Variants in GSTCD observed in about 807,000 individuals in gnomAD.
GSTCD encodes glutathione S-transferase C-terminal domain containing, also known as glutathione S-transferase C-terminal domain-containing protein.
A neutral mutation model predicts 68.3 loss-of-function variants in GSTCD; 44 were observed. The ratio of observed to expected loss-of-function variants is 0.64; its 90% CI spans 0.51 to 0.83. The LOEUF is 0.83. Among genes scored for constraint, GSTCD ranks in the 40% least tolerant of loss-of-function variants. The pLI is 0.00. For missense variants in GSTCD, 739 were observed against 735.9 expected (o/e 1.00, Z -0.05); for synonymous variants, 273 against 255.2 (o/e 1.07, Z -0.67).
chr4:105,784,335 A>G (rs776572539), intron 5 of GSTCD, among the ~76,000 whole-genome samples: 2 of 152,218 alleles, frequency 1.3e-5, no homozygotes, highest in Non-Finnish European at 2.9e-5. Context: ...TGTGGAAGGC[A>G]GAAGAGAGCA....
At chr4:105,804,697 A>G (rs773464185) in intron 5 of GSTCD, among the ~76,000 whole-genome samples, 4 of 152,102 alleles carry the variant, frequency 2.6e-5, no homozygotes, top group Non-Finnish European at 5.9e-5. Flanking sequence ...GGTTTGCTAC[A>G]TAAGTGAACG....
chr4:105,788,269 A>G (rs910526118), intron 5 of GSTCD, among the ~76,000 whole-genome samples: 1 of 152,038 alleles, frequency 6.6e-6, no homozygotes, highest in East Asian at 1.9e-4. Flanking sequence ...CATTAGATTC[A>G]TAGAGTTTTA....
chr4:105,840,239 A>G (rs1426195917), intron 10 of GSTCD: 3 of 454,284 alleles, frequency 6.6e-6, no homozygotes, highest in East Asian at 6.9e-5. Flanking sequence ...ATGAATCTTA[A>G]TTTACAAACA....
At chr4:105,731,014 C>G (rs573700773) in intron 5 of GSTCD, among the ~76,000 whole-genome samples, 1 of 152,142 alleles carries the variant, frequency 6.6e-6, no homozygotes, top group East Asian at 1.9e-4. Context: ...TTGTTTTTGT[C>G]AGGTTTGTCA....
At chr4:105,767,321 T>C (rs1734655838) in intron 5 of GSTCD, among the ~76,000 whole-genome samples, 1 of 152,232 alleles carries the variant, frequency 6.6e-6, no homozygotes, top group Admixed American at 6.5e-5. Flanking sequence ...TACAGTTCAC[T>C]ATGTATGGAG....
At chr4:105,830,149 G>A (rs1291174271) in intron 8 of GSTCD, among the ~76,000 whole-genome samples, 1 of 152,082 alleles carries the variant, frequency 6.6e-6, no homozygotes, top group African/African-American at 2.4e-5. Context: ...CATTTCTTTT[G>A]ATAAAGTTAA....
chr4:105,792,649 T>C (rs945106628), intron 5 of GSTCD, among the ~76,000 whole-genome samples: 13 of 152,046 alleles, frequency 8.6e-5, no homozygotes, highest in African/African-American at 3.1e-4. Context: ...TATCAAAACT[T>C]AGTGTTAATT....
At chr4:105,819,826 T>C (rs1235390178) in intron 5 of GSTCD, among the ~76,000 whole-genome samples, 1 of 151,650 alleles carries the variant, frequency 6.6e-6, no homozygotes, top group Non-Finnish European at 1.5e-5. Flanking sequence ...TTTTTTTACC[T>C]TTTCGGTGTG....
intron 5 of GSTCD, among the ~76,000 whole-genome samples, chr4:105,800,962 T>G (rs961374969): frequency 1.3e-5 from 2 of 152,140 alleles, no homozygotes; most frequent in African/African-American, 4.8e-5. Flanking sequence ...GAACAAACCT[T>G]ATCTAACATA....
intron 5 of GSTCD, among the ~76,000 whole-genome samples, chr4:105,799,084 T>C (rs1034371686): frequency 6.6e-6 from 1 of 152,214 alleles, no homozygotes; most frequent in African/African-American, 2.4e-5. Flanking sequence ...GATATCTCCT[T>C]TATTAAACCT....
intron 5 of GSTCD, among the ~76,000 whole-genome samples, chr4:105,770,814 A>G (rs1734815450): frequency 6.6e-6 from 1 of 152,136 alleles, no homozygotes; most frequent in Non-Finnish European, 1.5e-5. Context: ...GGTATTGTGA[A>G]CAGTGCTGCA....
At chr4:105,797,046 A>ATGTGTG (rs201988913) in intron 5 of GSTCD, among the ~76,000 whole-genome samples, 7,237 of 145,502 alleles carry the variant, frequency 0.05, 204 homozygotes, top group Middle Eastern at 0.06. Context: ...ACAGAGATAC[A>ATGTGTG]TGTGTGTGTG....
intron 5 of GSTCD, among the ~76,000 whole-genome samples, chr4:105,758,050 G>A (rs933538106): frequency 2.0e-5 from 3 of 152,122 alleles, no homozygotes; most frequent in Non-Finnish European, 4.4e-5. Context: ...CATGGTTATA[G>A]TGTTTGCTTT....
chr4:105,772,680 A>G (rs942038243), intron 5 of GSTCD, among the ~76,000 whole-genome samples: 1 of 152,172 alleles, frequency 6.6e-6, no homozygotes, highest in South Asian at 2.1e-4. Context: ...CATATGTTGA[A>G]CCAGCTTTGC....
At position 105,823,046 on chromosome 4, in the gene GSTCD, A is replaced by G; in HGVS notation, c.1333A>G (p.Ile445Val). 6.2e-7 allele frequency: 1 copy of G among 1,613,728 alleles called. No individual in the cohort carries two copies. Among genetic ancestry groups the G allele is most frequent in the Non-Finnish European group, 8.5e-7 (1 of 1,179,680 alleles). ...AAATCAGGCCAAACCTGGTGACAGA[A>G]TTGTGGATTTCTGCAGCGGTGGGGT... ...VTNQAKPGDR[I>V]VDFCSGGGHV... The change falls in exon 6 of 12, where the codon ATT (isoleucine) becomes GTT (valine). Residue 445 changes from isoleucine to valine, a missense_variant. Transcript: ENST00000515279.
Position 105,823,347 on chromosome 4 carries a change from C to T in GSTCD, c.1401+72C>T. The T allele has an allele frequency of 3.6e-6, 5 of 1,381,028 alleles. No individual in the cohort carries two copies. The South Asian group carries it at 4.7e-5, about 13-fold the overall frequency. The allele number at this position is 1,381,028 out of a possible 1,614,324, so 85.5% of individuals were successfully genotyped here. A position where few individuals can be genotyped will look rare whatever the true frequency, so the allele number is the denominator to read the frequency against. ...GTTCAGCTAGCCAAATTTGGTTTAT[C>T]CCGCTCTTGGAGTTTCTAGTCACTC... On this transcript the variant is annotated intron_variant, in intron 7 of 11. Coordinates refer to ENST00000515279, the MANE Select transcript of GSTCD (RefSeq NM_001370181.1).
At chr4:105,744,741 A>G (rs1340994185) in intron 5 of GSTCD, among the ~76,000 whole-genome samples, 3 of 152,186 alleles carry the variant, frequency 2.0e-5, no homozygotes, top group Admixed American at 1.3e-4. Flanking sequence ...CCAGCCCTAG[A>G]GTCAGCTGTT....
At position 105,768,038 on chromosome 4, in the gene GSTCD, A is replaced by T. The variant is rs865944570; in HGVS notation, c.1240+38539A>T. On this transcript the variant is annotated intron_variant, in intron 5 of 11. Transcript: ENST00000515279. ...TGAGAAGAAATAGTGTAAAAAAAAA[A>T]TTTTTTTTTTTTTTTGAGACGGAGT... Among the ~76,000 whole-genome samples the T allele has an allele frequency of 9.4e-3, 1,273 of 135,866 alleles. 13 individuals are homozygous for T. Among genetic ancestry groups the T allele is most frequent in the African/African-American group, 0.029 (1,126 of 38,938 alleles). 89.1% of individuals were successfully genotyped at this position (135,866 alleles called of 152,430 possible). A position where few individuals can be genotyped will look rare whatever the true frequency, so the allele number is the denominator to read the frequency against.
intron 5 of GSTCD, among the ~76,000 whole-genome samples, chr4:105,739,944 A>G (rs1471490752): frequency 6.6e-6 from 1 of 152,042 alleles, no homozygotes; most frequent in Non-Finnish European, 1.5e-5. Flanking sequence ...GGCTAGGAGG[A>G]GTGCATGAAA....
Sources: allele counts gnomAD v4.1 joint callset (sites outside exome capture counted in the v4.1 genomes callset), GRCh38; gene constraint gnomAD v4.1.1; transcripts MANE v1.5; gene names NCBI Gene and HGNC (gene_info 2026-07-23, HGNC 2026-07-21).